NCKAP5: variants seen among roughly 807,000 people sequenced by gnomAD.
NCKAP5 encodes nck-associated protein 5.
NCKAP5 carries 92 observed loss-of-function variants against 167.0 expected under a neutral mutation model. That is an observed-to-expected ratio of 0.55 (90% CI 0.47 to 0.66). The LOEUF (loss-of-function observed/expected upper bound fraction) is 0.66, where lower values mean the gene tolerates loss of function less well. NCKAP5 is among the 30% of genes least tolerant of loss of function. NCKAP5 has a pLI of 0.00. For synonymous variants in NCKAP5, 891 were observed against 877.4 expected (o/e 1.02, Z -0.27); for missense variants, 2,378 against 2,315.0 (o/e 1.03, Z -0.56).
chr2:133,155,781 C>T (rs919279833), intron 5 of NCKAP5, among the ~76,000 whole-genome samples: 3 of 152,180 alleles, frequency 2.0e-5, no homozygotes, highest in Admixed American at 2.0e-4. Context: ...CTGCCACAGA[C>T]TATCTTTAAA....
chr2:132,801,960 T>A (rs1558798707), intron 11 of NCKAP5, among the ~76,000 whole-genome samples: 1 of 152,166 alleles, frequency 6.6e-6, no homozygotes. Context: ...GGCTATTTAG[T>A]AGAGACGGGG....
chr2:133,203,740 G>A (rs2085814420), intron 5 of NCKAP5, among the ~76,000 whole-genome samples: 1 of 152,082 alleles, frequency 6.6e-6, no homozygotes, highest in Non-Finnish European at 1.5e-5. Flanking sequence ...AGGGCAGAGT[G>A]CTATACAAAA....
Position 132,672,967 on chromosome 2 carries a change from CCCACCCA to C in NCKAP5, c.*315_*321del. 1 of 135,112 alleles carries C rather than the reference CCCACCCA, an allele frequency of 7.4e-6. No individual in the cohort carries two copies. Among genetic ancestry groups the C allele is most frequent in the Non-Finnish European group, 1.2e-5 (1 of 80,046 alleles). 8.4% of individuals were successfully genotyped at this position (135,112 alleles called of 1,614,324 possible). A position where few individuals can be genotyped will look rare whatever the true frequency, so the allele number is the denominator to read the frequency against. Reference sequence around the variant, plus strand: ...CTATCAAGCGGTGCACCCCCCACCCCCCACCCATCATTTCTTAAGCGCTCCAGTCCCA... The same window carrying C: ...CTATCAAGCGGTGCACCCCCCACCCCTCATTTCTTAAGCGCTCCAGTCCCA... On this transcript the variant is annotated 3_prime_UTR_variant, in exon 20 of 20. Transcript: ENST00000409261.
At chr2:133,289,086 T>C (rs1173002922) in intron 4 of NCKAP5, among the ~76,000 whole-genome samples, 1 of 152,164 alleles carries the variant, frequency 6.6e-6, no homozygotes, top group Non-Finnish European at 1.5e-5. Flanking sequence ...CCAGGGATGA[T>C]ATTTTTAAAA....
chr2:132,750,433 T>G (rs1391944668), intron 16 of NCKAP5, among the ~76,000 whole-genome samples: 2 of 152,198 alleles, frequency 1.3e-5, no homozygotes, highest in African/African-American at 4.8e-5. Flanking sequence ...CTTTTGTTTC[T>G]TTAGAAAATG....
At chr2:132,890,372 AG>A (rs1307060997) in intron 8 of NCKAP5, among the ~76,000 whole-genome samples, 3 of 151,736 alleles carry the variant, frequency 2.0e-5, no homozygotes, top group Admixed American at 6.6e-5. Flanking sequence ...GGGTATACAA[AG>A]ATGGATAAAA....
At chr2:132,894,279 T>G (rs937418476) in intron 8 of NCKAP5, among the ~76,000 whole-genome samples, 4 of 152,218 alleles carry the variant, frequency 2.6e-5, no homozygotes, top group African/African-American at 9.6e-5. Context: ...CATCAGCTCC[T>G]AACCAGTACC....
At chr2:132,805,567 T>C (rs1010173367) in intron 11 of NCKAP5, among the ~76,000 whole-genome samples, 3 of 152,090 alleles carry the variant, frequency 2.0e-5, no homozygotes, top group Non-Finnish European at 4.4e-5. Context: ...ATTGGTATTG[T>C]TAATTTCATT....
rs552708426 is a variant in NCKAP5 at position 132,873,552 on chromosome 2, C to T, written c.649-4578G>A. 3.9e-5 allele frequency among the ~76,000 whole-genome samples: 6 copies of T among 152,278 alleles called. No homozygotes were observed. The South Asian group carries it at 6.2e-4, about 16-fold the overall frequency. ...ACTAAGCATCTGTATTATTCATTTA[C>T]TTTGTGAAACAATCCTGTAAGATAG... is the stretch of plus-strand genomic sequence containing the variant. On this transcript the variant is annotated intron_variant, in intron 9 of 19. Coordinates refer to ENST00000409261, the MANE Select transcript of NCKAP5 (RefSeq NM_207363.3).
chr2:133,016,207 G>A (rs764202829), intron 6 of NCKAP5, among the ~76,000 whole-genome samples: 6 of 152,160 alleles, frequency 3.9e-5, no homozygotes, highest in African/African-American at 7.2e-5. Context: ...GCTACTGTCC[G>A]GTGGCCAGAT....
chr2:133,215,159 C>G (rs918881154), intron 4 of NCKAP5, among the ~76,000 whole-genome samples: 2 of 152,070 alleles, frequency 1.3e-5, no homozygotes, highest in African/African-American at 4.8e-5. Context: ...TAGGAAGGAG[C>G]CACAAAGGGA....
At chr2:133,107,845 G>T (rs1383030266) in intron 6 of NCKAP5, among the ~76,000 whole-genome samples, 1 of 152,182 alleles carries the variant, frequency 6.6e-6, no homozygotes, top group African/African-American at 2.4e-5. Flanking sequence ...TTCCTCTAAG[G>T]TAGGAAATAA....
chr2:133,472,099 A>G (rs545588908), intron 3 of NCKAP5, among the ~76,000 whole-genome samples: 4 of 152,270 alleles, frequency 2.6e-5, no homozygotes, highest in Non-Finnish European at 4.4e-5. Context: ...TACCTTTACC[A>G]TTTTAATGCA....
intron 4 of NCKAP5, among the ~76,000 whole-genome samples, chr2:133,248,346 A>G (rs1421051013): frequency 1.3e-5 from 2 of 152,152 alleles, no homozygotes; most frequent in African/African-American, 4.8e-5. Flanking sequence ...CTTTTCTTCT[A>G]CCTTATCCTC....
Position 133,254,972 on chromosome 2 carries a change from A to G in NCKAP5, c.144-41193T>C, listed in dbSNP as rs570355446. On this transcript the variant is annotated intron_variant, in intron 4 of 19. Coordinates refer to ENST00000409261, the MANE Select transcript of NCKAP5 (RefSeq NM_207363.3). ...TTTCAGTTAGGAGCCTGGAACTTGAATTCAACTTCTGACCTAATCATTAGC... is the reference window on the plus strand; with the variant it reads ...TTTCAGTTAGGAGCCTGGAACTTGAGTTCAACTTCTGACCTAATCATTAGC... Among the ~76,000 whole-genome samples the G allele has an allele frequency of 4.6e-5, 7 of 152,212 alleles. No individual in the cohort carries two copies. In the South Asian group the frequency reaches 1.5e-3, roughly 32 times the overall value.
intron 3 of NCKAP5, among the ~76,000 whole-genome samples, chr2:133,382,768 G>A (rs1033752634): frequency 2.0e-5 from 3 of 152,074 alleles, no homozygotes; most frequent in African/African-American, 4.8e-5. Context: ...CATTCATTGG[G>A]GCATTATATG....
intron 4 of NCKAP5, among the ~76,000 whole-genome samples, chr2:133,291,144 A>G (rs992263803): frequency 5.3e-5 from 8 of 152,180 alleles, no homozygotes; most frequent in African/African-American, 1.7e-4. Flanking sequence ...TTTTGTCTCT[A>G]TGCTTTCAAG....
At chr2:133,506,481 T>C (rs920089550) in intron 3 of NCKAP5, among the ~76,000 whole-genome samples, 4 of 152,218 alleles carry the variant, frequency 2.6e-5, no homozygotes, top group Middle Eastern at 3.4e-3. Context: ...TGGCTTCCAA[T>C]TGGGTTCAGC....
chr2:133,315,179 A>G (rs1222166389), intron 3 of NCKAP5, among the ~76,000 whole-genome samples: 2 of 152,052 alleles, frequency 1.3e-5, no homozygotes, highest in Non-Finnish European at 2.9e-5. Context: ...TGACTGAAGG[A>G]ATAGGGGGCA....
Sources: allele counts gnomAD v4.1 joint callset (sites outside exome capture counted in the v4.1 genomes callset), GRCh38; gene constraint gnomAD v4.1.1; transcripts MANE v1.5; gene names NCBI Gene and HGNC (gene_info 2026-07-23, HGNC 2026-07-21).